NTM: variants seen among roughly 807,000 people sequenced by gnomAD.
NTM encodes IgLON family member 2.
In NTM, 13 loss-of-function variants were observed where a neutral mutation model predicts 42.1. That is an observed-to-expected ratio of 0.31 (90% CI 0.20 to 0.49). The LOEUF is 0.49. Among genes scored for constraint, NTM ranks in the 20% least tolerant of loss-of-function variants. The pLI, the probability that NTM is intolerant of heterozygous loss-of-function variation, is 0.99. For missense variants in NTM, 373 were observed against 452.8 expected (o/e 0.82, Z 1.60); for synonymous variants, 187 against 179.2 (o/e 1.04, Z -0.35).
At chr11:131,376,072 G>A (rs1941931778) in intron 1 of NTM, among the ~76,000 whole-genome samples, 1 of 152,112 alleles carries the variant, frequency 6.6e-6, no homozygotes, top group East Asian at 1.9e-4. Context: ...AGCTGGCAGG[G>A]GTTGCTCTGC....
intron 7 of NTM, among the ~76,000 whole-genome samples, chr11:132,326,030 C>T (rs1392264242): frequency 4.2e-5 from 5 of 118,324 alleles, no homozygotes; most frequent in East Asian, 2.7e-4. Flanking sequence ...GGTGGGGGGA[C>T]GGGGGAGGGA....
At chr11:132,207,244 C>T (rs1159364736) in intron 3 of NTM, among the ~76,000 whole-genome samples, 2 of 152,138 alleles carry the variant, frequency 1.3e-5, no homozygotes, top group Non-Finnish European at 2.9e-5. Context: ...CCATTGCTGG[C>T]AATACCGCCT....
intron 2 of NTM, among the ~76,000 whole-genome samples, chr11:132,030,631 A>G (rs1408023086): frequency 6.6e-6 from 1 of 152,224 alleles, no homozygotes; most frequent in African/African-American, 2.4e-5. Context: ...GAGGGAAGCC[A>G]TTTGGATATT....
chr11:131,977,489 A>G (rs890229647), intron 2 of NTM, among the ~76,000 whole-genome samples: 2 of 152,246 alleles, frequency 1.3e-5, no homozygotes, highest in East Asian at 3.8e-4. Flanking sequence ...AATAGAAGTT[A>G]CAGCATTCAT....
chr11:131,887,999 A>G (rs192958635), intron 1 of NTM, among the ~76,000 whole-genome samples: 38 of 152,336 alleles, frequency 2.5e-4, no homozygotes, highest in African/African-American at 8.9e-4. Flanking sequence ...TTCAGTGCCT[A>G]TACTTTGAGT....
Position 131,371,185 on chromosome 11 carries a change from A to G in NTM, c.82+297A>G, listed in dbSNP as rs1395062443. ...TGGCTTCATGCACATTCTTGCACAC[A>G]TACACAACGGAGCACACATGTAAGC... is the stretch of plus-strand genomic sequence containing the variant. On this transcript the variant is annotated intron_variant, in intron 1 of 8. Coordinates refer to ENST00000683400, the MANE Select transcript of NTM (RefSeq NM_001352005.2). 9.3e-6 allele frequency: 7 copies of G among 752,766 alleles called. No homozygotes were observed. In the East Asian group the frequency reaches 7.7e-4, roughly 83 times the overall value. The allele number at this position is 752,766 out of a possible 1,614,324, so 46.6% of individuals were successfully genotyped here.
chr11:131,445,747 C>A (rs1016608575), intron 1 of NTM, among the ~76,000 whole-genome samples: 6 of 152,168 alleles, frequency 3.9e-5, no homozygotes, highest in Non-Finnish European at 8.8e-5. Flanking sequence ...ATCCAACCAC[C>A]TTTGCTTTTG....
intron 1 of NTM, among the ~76,000 whole-genome samples, chr11:131,873,242 T>C (rs2047982723): frequency 6.6e-6 from 1 of 152,026 alleles, no homozygotes; most frequent in Non-Finnish European, 1.5e-5. Flanking sequence ...ACCATCATTC[T>C]CAGCAAACTA....
In NTM at chr11:131,401,822, A is replaced by ATATATATGTG. The variant is rs1555101763; in HGVS notation, c.82+30941_82+30942insGTGTATATAT. Among the ~76,000 whole-genome samples the ATATATATGTG allele has an allele frequency of 1.5e-3, 85 of 57,848 alleles. 3 individuals are homozygous for ATATATATGTG. The highest frequency in any genetic ancestry group is 3.6e-3 in the African/African-American group (51 of 14,060). The allele number at this position is 57,848 out of a possible 152,430, so 38.0% of individuals were successfully genotyped here. A position where few individuals can be genotyped will look rare whatever the true frequency, so the allele number is the denominator to read the frequency against. ...GAAATATATATATATATATATATAT[A>ATATATATGTG]TATATATATATATATATATATATAT... On this transcript the variant is annotated intron_variant, in intron 1 of 8. Coordinates refer to ENST00000683400, the MANE Select transcript of NTM (RefSeq NM_001352005.2).
At chr11:132,215,238 T>G (rs995362197) in intron 4 of NTM, among the ~76,000 whole-genome samples, 1 of 152,224 alleles carries the variant, frequency 6.6e-6, no homozygotes. Flanking sequence ...CTTTCTTACA[T>G]GCGAACCTGC....
intron 2 of NTM, among the ~76,000 whole-genome samples, chr11:131,971,265 C>T (rs534131737): frequency 7.2e-5 from 11 of 152,286 alleles, no homozygotes; most frequent in African/African-American, 2.6e-4. Flanking sequence ...AAACCATGTT[C>T]ACGGGTGTAA....
intron 1 of NTM, among the ~76,000 whole-genome samples, chr11:131,507,157 G>A (rs1229436192): frequency 6.6e-6 from 1 of 152,160 alleles, no homozygotes; most frequent in Non-Finnish European, 1.5e-5. Flanking sequence ...TAACATGGCA[G>A]GCCTTAAACA....
intron 1 of NTM, among the ~76,000 whole-genome samples, chr11:131,500,457 GCTGA>G (rs1435298734): frequency 6.6e-6 from 1 of 150,492 alleles, no homozygotes; most frequent in Non-Finnish European, 1.5e-5. Context: ...AAGTAAGTAT[GCTGA>G]CTATTACCTT....
At chr11:131,439,943 C>CTTTT (rs11388263) in intron 1 of NTM, among the ~76,000 whole-genome samples, 10 of 137,740 alleles carry the variant, frequency 7.3e-5, no homozygotes, top group Non-Finnish European at 1.2e-4. Context: ...CCATCTTAGG[C>CTTTT]TTTTTTTTTT....
chr11:131,691,735 G>C (rs775549613), intron 1 of NTM, among the ~76,000 whole-genome samples: 4 of 152,174 alleles, frequency 2.6e-5, no homozygotes, highest in Non-Finnish European at 4.4e-5. Flanking sequence ...TCCGCGGCGC[G>C]GGGCTGAGCG....
chr11:131,474,860 G>T (rs1952773985), intron 1 of NTM, among the ~76,000 whole-genome samples: 1 of 152,104 alleles, frequency 6.6e-6, no homozygotes, highest in South Asian at 2.1e-4. Context: ...CCAAAATGTG[G>T]AGCGGGCCAT....
At chr11:131,620,287 C>G (rs7104720) in intron 1 of NTM, among the ~76,000 whole-genome samples, 65,947 of 152,034 alleles carry the variant, frequency 0.43, 15,435 homozygotes, top group African/African-American at 0.61. Context: ...ACAGCTAAAA[C>G]CATTTTCAAG....
chr11:132,040,558 ATAAT>A (rs1404441145), intron 2 of NTM, among the ~76,000 whole-genome samples: 1 of 152,222 alleles, frequency 6.6e-6, no homozygotes, highest in Non-Finnish European at 1.5e-5. Context: ...ATATGAACAA[ATAAT>A]TAATCCCAGG....
intron 2 of NTM, among the ~76,000 whole-genome samples, chr11:132,116,481 G>A (rs2063914686): frequency 1.3e-5 from 2 of 152,202 alleles, no homozygotes; most frequent in African/African-American, 4.8e-5. Context: ...GCAAGGCAGA[G>A]AATGTTGGGA....
Sources: allele counts gnomAD v4.1 joint callset (sites outside exome capture counted in the v4.1 genomes callset), GRCh38; gene constraint gnomAD v4.1.1; transcripts MANE v1.5; gene names NCBI Gene and HGNC (gene_info 2026-07-23, HGNC 2026-07-21).